PDE8A: variants seen among roughly 807,000 people sequenced by gnomAD.
The protein encoded by PDE8A is high affinity cAMP-specific and IBMX-insensitive 3',5'-cyclic phosphodiesterase 8A.
A neutral mutation model predicts 105.0 loss-of-function variants in PDE8A; 59 were observed. The ratio of observed to expected loss-of-function variants is 0.56; its 90% confidence interval spans 0.46 to 0.70. PDE8A has a LOEUF of 0.70. Among genes scored for constraint, PDE8A ranks in the 30% least tolerant of loss-of-function variants. The probability of loss-of-function intolerance (pLI) is 0.00; values close to 1 mark genes in which losing one functional copy is unlikely to be tolerated. For missense variants in PDE8A, 1,014 were observed against 1,045.9 expected (o/e 0.97, Z 0.42); for synonymous variants, 355 against 371.9 (o/e 0.95, Z 0.52).
At chr15:85,067,809 C>T (rs1045855280) in intron 3 of PDE8A, among the ~76,000 whole-genome samples, 1 of 152,124 alleles carries the variant, frequency 6.6e-6, no homozygotes, top group Admixed American at 6.5e-5. Context: ...AAGCAAATGA[C>T]AACATATTAA....
chr15:85,039,796 G>C (rs1298586796), intron 1 of PDE8A, among the ~76,000 whole-genome samples: 1 of 152,186 alleles, frequency 6.6e-6, no homozygotes, highest in African/African-American at 2.4e-5. Flanking sequence ...TGACAACATG[G>C]ATAAACTTAG....
chr15:85,119,039 A>G (rs2082139145), intron 17 of PDE8A, among the ~76,000 whole-genome samples: 1 of 152,202 alleles, frequency 6.6e-6, no homozygotes, highest in Admixed American at 6.5e-5. Context: ...TGTTTTCTAA[A>G]TTATGAAAAC....
rs374228651 is a variant in PDE8A, at chr15:85,062,775, A to G, written c.187-1595A>G. 8.5e-5 allele frequency: 13 copies of G among 152,310 alleles called. No individual in the cohort carries two copies. In the East Asian group the frequency reaches 1.9e-3, roughly 23 times the overall value. The allele number at this position is 152,310 out of a possible 1,614,324, so 9.4% of individuals were successfully genotyped here. A position where few individuals can be genotyped will look rare whatever the true frequency, so the allele number is the denominator to read the frequency against. On this transcript the variant is annotated intron_variant, in intron 1 of 21. Transcript: ENST00000394553. ...ATCCAAGCCTTCCCCTGGAAGTTGC[A>G]CGTCTTCAATTGTTCCTAAAATAGT...
At chr15:85,078,057 C>G (rs370595186) in intron 5 of PDE8A, among the ~76,000 whole-genome samples, 2 of 149,724 alleles carry the variant, frequency 1.3e-5, no homozygotes, top group East Asian at 2.0e-4. Context: ...TTTTCCAGAA[C>G]TGATGAAAAA....
chr15:85,073,372 G>A (rs1359255697), intron 3 of PDE8A, among the ~76,000 whole-genome samples: 1 of 152,154 alleles, frequency 6.6e-6, no homozygotes, highest in African/African-American at 2.4e-5. Context: ...CACCAGAAAA[G>A]GTCCCAGTAT....
intron 1 of PDE8A, among the ~76,000 whole-genome samples, chr15:85,030,507 G>C (rs1228048631): frequency 6.6e-6 from 1 of 152,116 alleles, no homozygotes; most frequent in Non-Finnish European, 1.5e-5. Context: ...TAGTTTTATT[G>C]TTTTTACCTG....
chr15:85,097,927 A>T, intron 8 of PDE8A, 21 bp from the exon 9 acceptor site: 1 of 1,294,520 alleles, frequency 7.7e-7, no homozygotes, highest in South Asian at 1.2e-5. Context: ...AAGTATGACG[A>T]TGCTTACATT....
intron 20 of PDE8A, among the ~76,000 whole-genome samples, chr15:85,128,233 A>G (rs963969856): frequency 6.6e-6 from 1 of 152,204 alleles, no homozygotes; most frequent in Non-Finnish European, 1.5e-5. Flanking sequence ...AGCCAGGTGC[A>G]GTGGCTTATA....
chr15:85,025,166 C>T (rs975327002), intron 1 of PDE8A, among the ~76,000 whole-genome samples: 3 of 152,114 alleles, frequency 2.0e-5, no homozygotes, highest in Non-Finnish European at 4.4e-5. Flanking sequence ...CACCATAAGT[C>T]CTGGATCAGA....
rs138116660 is a variant in PDE8A at position 85,049,880 on chromosome 15, A to G, written c.187-14490A>G. On this transcript the variant is annotated intron_variant, in intron 1 of 21. Coordinates refer to ENST00000394553, the MANE Select transcript of PDE8A (RefSeq NM_002605.3). ...GATTGTTGGATCATATGTTAATTCT[A>G]TTTTTTTAATTTTTTGAGGAATTGC... Among the ~76,000 whole-genome samples the G allele has an allele frequency of 3.0e-3, 455 of 152,226 alleles. 3 individuals carry two copies. The highest frequency in any genetic ancestry group is 0.01 in the African/African-American group (428 of 41,540).
intron 1 of PDE8A, among the ~76,000 whole-genome samples, chr15:85,032,009 C>T (rs565501094): frequency 6.6e-5 from 10 of 152,268 alleles, no homozygotes; most frequent in African/African-American, 1.4e-4. Context: ...TGTAGAGGTT[C>T]GCTCATTTGT....
At chr15:85,068,946 A>G (rs909027142) in intron 3 of PDE8A, among the ~76,000 whole-genome samples, 2 of 152,196 alleles carry the variant, frequency 1.3e-5, no homozygotes, top group African/African-American at 2.4e-5. Context: ...AAAATGTACT[A>G]TTGCTGTACA....
intron 3 of PDE8A, among the ~76,000 whole-genome samples, chr15:85,071,523 C>T (rs191074579): frequency 2.0e-5 from 3 of 152,328 alleles, no homozygotes; most frequent in Admixed American, 1.3e-4. Flanking sequence ...ACTGCAGTTT[C>T]AAAACAACAA....
At chr15:84,986,852 G>T (rs1427530605) in intron 1 of PDE8A, among the ~76,000 whole-genome samples, 2 of 152,050 alleles carry the variant, frequency 1.3e-5, no homozygotes, top group African/African-American at 4.8e-5. Context: ...GGGCTCCTGT[G>T]ATTCCCCCAG....
chr15:85,054,564 ATT>A (rs1426885392), intron 1 of PDE8A, among the ~76,000 whole-genome samples: 8 of 152,314 alleles, frequency 5.3e-5, no homozygotes, highest in Admixed American at 3.9e-4. Flanking sequence ...GTGTCCAGGA[ATT>A]CATCCATTTC....
chr15:85,136,256 G>A (rs184507142), intron 20 of PDE8A, among the ~76,000 whole-genome samples: 56 of 152,278 alleles, frequency 3.7e-4, no homozygotes, highest in Non-Finnish European at 6.9e-4. Context: ...ATAATGTTTG[G>A]GATCTTACCT....
At chr15:85,070,147 C>G (rs2081290121) in intron 3 of PDE8A, among the ~76,000 whole-genome samples, 1 of 152,156 alleles carries the variant, frequency 6.6e-6, no homozygotes, top group Non-Finnish European at 1.5e-5. Flanking sequence ...TTTGGGATAC[C>G]TAATCAACAC....
At chr15:85,082,031 C>T (rs982877467) in intron 5 of PDE8A, among the ~76,000 whole-genome samples, 7 of 152,088 alleles carry the variant, frequency 4.6e-5, no homozygotes, top group South Asian at 2.1e-4. Flanking sequence ...CTCAAGGCCC[C>T]GATTCCATGT....
At chr15:85,094,695 A>C (rs772060941) in intron 8 of PDE8A, among the ~76,000 whole-genome samples, 4 of 152,062 alleles carry the variant, frequency 2.6e-5, no homozygotes, top group Non-Finnish European at 4.4e-5. Context: ...GGTCCCCTCC[A>C]TCAAATCCAC....
Sources: allele counts gnomAD v4.1 joint callset (sites outside exome capture counted in the v4.1 genomes callset), GRCh38; gene constraint gnomAD v4.1.1; transcripts MANE v1.5; gene names NCBI Gene and HGNC (gene_info 2026-07-23, HGNC 2026-07-21).